Variants in EHD2 observed in about 807,000 individuals in gnomAD.
The protein encoded by EHD2 is EH domain-containing protein 2.
Under a neutral mutation model 41.0 loss-of-function variants are expected in EHD2, and 27 were observed. That is an observed-to-expected ratio of 0.66 (90% CI 0.49 to 0.91). The LOEUF is 0.91. Ranked by LOEUF, EHD2 falls within the 40% of genes least tolerant of loss-of-function variation. The pLI, the probability that EHD2 is intolerant of heterozygous loss-of-function variation, is 0.00. For missense variants in EHD2, 673 were observed against 773.9 expected (o/e 0.87, Z 1.55); for synonymous variants, 342 against 341.0 (o/e 1.00, Z -0.03).
At chr19:47,732,622 T>C (rs892880437) in intron 4 of EHD2, among the ~76,000 whole-genome samples, 3 of 152,028 alleles carry the variant, frequency 2.0e-5, no homozygotes, top group African/African-American at 7.2e-5. Flanking sequence ...AGTCTTGCTA[T>C]GTTGCCCAGG....
At chr19:47,738,217 C>T (rs372288647) in intron 5 of EHD2, among the ~76,000 whole-genome samples, 34 of 152,040 alleles carry the variant, frequency 2.2e-4, no homozygotes, top group South Asian at 1.5e-3. Flanking sequence ...TCCAGCAGTA[C>T]GTTCTACAAT....
chr19:47,740,821 G>C, intron 5 of EHD2, 60 bp from the exon 6 acceptor site: 2 of 1,561,818 alleles, frequency 1.3e-6, no homozygotes, highest in Non-Finnish European at 1.7e-6. Flanking sequence ...CCACCTTGCA[G>C]CCTGAGGGCC....
At chr19:47,729,507 G>A (rs1973786497) in intron 4 of EHD2, 1 of 152,528 alleles carries the variant, frequency 6.6e-6, no homozygotes, top group African/African-American at 2.4e-5. Context: ...CCTTGGGGAG[G>A]GAGAGGAGAA....
At chr19:47,731,277 A>ATATATAT (rs1424865629) in intron 4 of EHD2, 14 of 26,950 alleles carry the variant, frequency 5.2e-4, no homozygotes, top group African/African-American at 1.2e-3. Flanking sequence ...TAAAAAAAAA[A>ATATATAT]AAATATATAT....
chr19:47,719,517 G>A lies in EHD2; in HGVS notation c.502+911G>A, dbSNP rs558137236. Among the ~76,000 whole-genome samples, 8 of 152,206 alleles carry A rather than the reference G, an allele frequency of 5.3e-5. No homozygotes were observed. In the South Asian group the frequency reaches 1.7e-3, roughly 32 times the overall value. On this transcript the variant is annotated intron_variant, in intron 3 of 5. Transcript: ENST00000263277. The surrounding 1 kb of genome is among the most constrained non-coding windows in gnomAD (Gnocchi z 4.1). ...CCAGCTCAGCATCTGTGGTCCCCCA[G>A]CCCCACAGATCTGTGTCCCCCACCC...
chr19:47,741,132 G>A lies in EHD2; in HGVS notation c.1332G>A (p.Trp444Ter), dbSNP rs1247010774. Residue 444 changes from tryptophan (W) to a stop codon, truncating the protein, a stop_gained, in exon 6 of 6, where the codon TGG (tryptophan) becomes TGA (stop). Transcript: ENST00000263277. LOFTEE classifies it high-confidence loss of function. The surrounding 1 kb of genome is among the most constrained non-coding windows in gnomAD (Gnocchi z 4.5). Reference sequence around the variant, plus strand: ...AGGGCTCGGACGACGAGGCCGAGTGGGTGGTGACCAAGGACAAGTCCAAAT... The same window carrying A: ...AGGGCTCGGACGACGAGGCCGAGTGAGTGGTGACCAAGGACAAGTCCAAAT... ...GEEGSDDEAE[W>*]VVTKDKSKYD... The A allele has an allele frequency of 6.2e-7, 1 of 1,611,952 alleles. No homozygotes were observed. Among genetic ancestry groups the A allele is most frequent in the Admixed American group, 1.7e-5 (1 of 60,020 alleles).
At chr19:47,718,627 G>T in intron 3 of EHD2, 21 bp downstream of exon 3, 1 of 1,550,144 alleles carries the variant, frequency 6.5e-7, no homozygotes, top group Non-Finnish European at 8.7e-7. Flanking sequence ...CCAGACCCTG[G>T]GGTCTGAGGG....
At chr19:47,740,523 G>A (rs1164278964) in intron 5 of EHD2, among the ~76,000 whole-genome samples, 1 of 150,976 alleles carries the variant, frequency 6.6e-6, no homozygotes, top group African/African-American at 2.4e-5. Flanking sequence ...TGAGGCGGGC[G>A]AATCATGAGG....
At chr19:47,717,963 G>T (rs1973647977) in intron 2 of EHD2, among the ~76,000 whole-genome samples, 2 of 148,292 alleles carry the variant, frequency 1.3e-5, no homozygotes, top group South Asian at 4.2e-4. Flanking sequence ...TGCCATGGTT[G>T]CTGTGAGGAC....
chr19:47,726,345 T>A (rs1406438961), intron 4 of EHD2, 121 bp downstream of exon 4: 1 of 1,239,212 alleles, frequency 8.1e-7, no homozygotes, highest in East Asian at 2.6e-5. Context: ...TGAAGTTGGG[T>A]CATTCTGGCA....
chr19:47,734,738 C>T lies in EHD2; in HGVS notation c.916-1631C>T, dbSNP rs564891955. 3.3e-3 allele frequency among the ~76,000 whole-genome samples: 476 copies of T among 146,374 alleles called. 4 individuals are homozygous for T. The highest frequency in any genetic ancestry group is 3.0e-3 in the Non-Finnish European group (204 of 67,150). ...CCACCCTGGGCAACAGAGTGAGACT[C>T]CCTTTCAAAAAGAAAAAAAAAGTGA... On this transcript the variant is annotated intron_variant, in intron 4 of 5. Transcript: ENST00000263277.
chr19:47,723,715 G>C (rs1973721518), intron 3 of EHD2, among the ~76,000 whole-genome samples: 1 of 145,572 alleles, frequency 6.9e-6, no homozygotes, highest in South Asian at 2.2e-4. Context: ...GTCTTGCTCT[G>C]TCTGCAGGCT....
Position 47,741,133 on chromosome 19 carries a change from G to C in EHD2, c.1333G>C (p.Val445Leu). Residue 445 changes from valine to leucine, a missense_variant, in exon 6 of 6, where the codon GTG becomes CTG. Coordinates refer to ENST00000263277, the MANE Select transcript of EHD2 (RefSeq NM_014601.4). The surrounding 1 kb of genome is among the most constrained non-coding windows in gnomAD (Gnocchi z 4.5). Reference protein sequence around the residue: ...EEGSDDEAEWVVTKDKSKYDE... With the variant: ...EEGSDDEAEWLVTKDKSKYDE... ...GGGCTCGGACGACGAGGCCGAGTGG[G>C]TGGTGACCAAGGACAAGTCCAAATA... The C allele has an allele frequency of 6.2e-7, 1 of 1,611,994 alleles. No individual in the cohort carries two copies. Among genetic ancestry groups the C allele is most frequent in the Non-Finnish European group, 8.5e-7 (1 of 1,180,002 alleles).
rs1170839296 is a variant in EHD2, at chr19:47,741,217, A to G, written c.1417A>G (p.Lys473Glu). Residue 473 changes from lysine to glutamate, a missense_variant, in exon 6 of 6, where the codon AAG becomes GAG. Transcript: ENST00000263277. This position sits in a 1 kb window ranked among gnomAD's most constrained non-coding sequence, Gnocchi z 4.5. ...ADGKLSGSKA[K>E]TWMVGTKLPN... ...CGGCAAGCTGAGCGGCTCCAAGGCCAAGACCTGGATGGTGGGGACCAAGCT... is the reference window on the plus strand; with the variant it reads ...CGGCAAGCTGAGCGGCTCCAAGGCCGAGACCTGGATGGTGGGGACCAAGCT... The G allele has an allele frequency of 4.3e-6, 7 of 1,614,048 alleles. No individual in the cohort carries two copies. The highest frequency in any genetic ancestry group is 5.9e-6 in the Non-Finnish European group (7 of 1,180,002).
At chr19:47,731,280 A>ATATATATATATACATG (rs1973808555) in intron 4 of EHD2, 1 of 54,730 alleles carries the variant, frequency 1.8e-5, no homozygotes, top group East Asian at 4.5e-4. Flanking sequence ...AAAAAAAAAA[A>ATATATATATATACATG]TATATATATA....
intron 3 of EHD2, among the ~76,000 whole-genome samples, chr19:47,720,304 C>T (rs1973681974): frequency 6.6e-6 from 1 of 152,056 alleles, no homozygotes; most frequent in African/African-American, 2.4e-5. Flanking sequence ...GCCAGGACTA[C>T]AGGCGCCCGC....
At position 47,742,230 on chromosome 19, in the gene EHD2, G is replaced by GT. The variant is rs1053349656; in HGVS notation, c.*803dup. ...TTCTTTCCTTCCTTCCTTCTTTTTT[G>GT]TTTTTGCCCCCAGTTCTGTCCACAC... On this transcript the variant is annotated 3_prime_UTR_variant, in exon 6 of 6. Transcript: ENST00000263277. 2 of 310,678 alleles carry GT rather than the reference G, an allele frequency of 6.4e-6. No homozygotes were observed. Among genetic ancestry groups the GT allele is most frequent in the Non-Finnish European group, 1.2e-5 (2 of 164,954 alleles). The allele number at this position is 310,678 out of a possible 1,614,324, so 19.2% of individuals were successfully genotyped here.
intron 1 of EHD2, among the ~76,000 whole-genome samples, chr19:47,715,122 T>A (rs1432606502): frequency 5.3e-5 from 8 of 152,044 alleles, no homozygotes; most frequent in African/African-American, 1.9e-4. Context: ...ATAATAGACC[T>A]ACTTTACAGG....
intron 3 of EHD2, 99 bp from the exon 4 acceptor site, chr19:47,725,713 A>G: frequency 1.4e-6 from 2 of 1,435,752 alleles, no homozygotes; most frequent in Non-Finnish European, 1.9e-6. Context: ...ACATCTTTAC[A>G]GTCCAATATG....
Sources: allele counts gnomAD v4.1 joint callset (sites outside exome capture counted in the v4.1 genomes callset), GRCh38; gene constraint gnomAD v4.1.1; non-coding constraint Gnocchi (gnomAD v3.1); transcripts MANE v1.5; gene names NCBI Gene and HGNC (gene_info 2026-07-23, HGNC 2026-07-21).